Variants in TG observed in about 807,000 individuals in gnomAD.
TG encodes the protein thyroglobulin.
Under a neutral mutation model 324.7 loss-of-function variants are expected in TG, and 270 were observed. The ratio of observed to expected loss-of-function variants is 0.83; its 90% confidence interval spans 0.75 to 0.92. TG has a LOEUF of 0.92. Ranked by LOEUF, TG falls within the 40% of genes least tolerant of loss-of-function variation. The pLI is 0.00. For synonymous variants in TG, 1,401 were observed against 1,327.0 expected, an observed-to-expected ratio of 1.06 and a Z score of -1.21; for missense variants, 3,591 against 3,456.4, an observed-to-expected ratio of 1.04 and a Z score of -0.98.
intron 41 of TG, among the ~76,000 whole-genome samples, chr8:133,031,118 C>T (rs936478259): frequency 2.6e-5 from 4 of 152,190 alleles, no homozygotes; most frequent in African/African-American, 9.7e-5. Flanking sequence ...TTAACAACCC[C>T]CATCTCCTCA....
intron 23 of TG, among the ~76,000 whole-genome samples, chr8:132,929,736 A>G (rs1822417487): frequency 6.6e-6 from 1 of 152,168 alleles, no homozygotes; most frequent in African/African-American, 2.4e-5. Context: ...GTTTTAAATG[A>G]TTTTATCTTT....
chr8:133,005,078 C>T (rs926867997), intron 35 of TG, among the ~76,000 whole-genome samples: 3 of 152,222 alleles, frequency 2.0e-5, no homozygotes, highest in African/African-American at 7.2e-5. Context: ...AAAAGGAGCA[C>T]TGGGGGACAG....
intron 27 of TG, among the ~76,000 whole-genome samples, chr8:132,957,149 C>G (rs1381245512): frequency 6.6e-6 from 1 of 152,170 alleles, no homozygotes; most frequent in South Asian, 2.1e-4. Context: ...GGGGTTATAA[C>G]TTTCCTTGTG....
chr8:133,122,868 C>T (rs1342863463), intron 45 of TG, among the ~76,000 whole-genome samples: 1 of 152,138 alleles, frequency 6.6e-6, no homozygotes, highest in East Asian at 1.9e-4. Context: ...AACTTTGAGC[C>T]AGTTTCTCCC....
chr8:133,119,470 C>T (rs1011434793), intron 45 of TG, among the ~76,000 whole-genome samples: 4 of 152,178 alleles, frequency 2.6e-5, no homozygotes, highest in African/African-American at 4.8e-5. Context: ...AAGATCAAGG[C>T]ATGGGAAGAT....
At chr8:132,949,014 C>A in intron 27 of TG, 71 bp downstream of exon 27, 1 of 1,408,740 alleles carries the variant, frequency 7.1e-7, no homozygotes, top group Non-Finnish European at 9.9e-7. Context: ...CTGCTACTTT[C>A]TTATGAGCCC....
At position 132,919,471 on chromosome 8, in the gene TG, C is replaced by T; in HGVS notation, c.4474C>T (p.Pro1492Ser). 1 of 1,614,114 alleles carries T rather than the reference C, an allele frequency of 6.2e-7. No individual in the cohort carries two copies. Among genetic ancestry groups the T allele is most frequent in the Non-Finnish European group, 8.5e-7 (1 of 1,179,994 alleles). Residue 1492 changes from proline (P) to serine (S), a missense_variant, in exon 21 of 48, where the codon CCA (proline) becomes TCA (serine). Coordinates refer to ENST00000220616, the MANE Select transcript of TG (RefSeq NM_003235.5). ...ACAGGCAGGGAGCTTGGCCTGTGTCCCATGTCCTGTGGGCAGAACGACCAT... is the reference window on the plus strand; with the variant it reads ...ACAGGCAGGGAGCTTGGCCTGTGTCTCATGTCCTGTGGGCAGAACGACCAT... ...QEQAGSLACV[P>S]CPVGRTTISA... is the part of the protein sequence containing the mutation.
chr8:132,922,465 C>T (rs1587417676), intron 21 of TG, among the ~76,000 whole-genome samples: 2 of 152,190 alleles, frequency 1.3e-5, no homozygotes, highest in South Asian at 2.1e-4. Flanking sequence ...AGTCATCAAT[C>T]GTTCATTCAC....
chr8:132,975,559 A>T (rs1830076979), intron 34 of TG, among the ~76,000 whole-genome samples: 2 of 152,190 alleles, frequency 1.3e-5, no homozygotes, highest in South Asian at 4.1e-4. Context: ...ACATTCACAG[A>T]GGGGTTCTTA....
intron 41 of TG, among the ~76,000 whole-genome samples, chr8:133,086,558 AACTATACCTTTTG>A (rs886478808): frequency 1.1e-4 from 17 of 152,346 alleles, no homozygotes; most frequent in Non-Finnish European, 2.4e-4. Flanking sequence ...GATGAAAAAA[AACTATACCTTTTG>A]ACTCAGTAAT....
chr8:132,878,388 G>T (rs375107776), intron 5 of TG, among the ~76,000 whole-genome samples: 5 of 152,016 alleles, frequency 3.3e-5, no homozygotes, highest in Admixed American at 2.0e-4. Context: ...AGGCCAAGGC[G>T]GGCAGATCAC....
intron 35 of TG, among the ~76,000 whole-genome samples, chr8:133,004,885 T>C (rs1833887605): frequency 6.6e-6 from 1 of 152,090 alleles, no homozygotes; most frequent in Non-Finnish European, 1.5e-5. Flanking sequence ...GGAGCCTGCA[T>C]GGTAACTGCA....
chr8:132,937,350 T>C (rs1823760033), intron 25 of TG, among the ~76,000 whole-genome samples: 1 of 152,190 alleles, frequency 6.6e-6, no homozygotes, highest in South Asian at 2.1e-4. Context: ...TTGGTAGCAA[T>C]TGCGAGCCCA....
At chr8:132,894,490 G>T (rs555140162) in intron 11 of TG, among the ~76,000 whole-genome samples, 3 of 145,000 alleles carry the variant, frequency 2.1e-5, no homozygotes, top group Non-Finnish European at 4.5e-5. Context: ...ACGGAGTCTT[G>T]CTCTGTCACC....
intron 35 of TG, among the ~76,000 whole-genome samples, chr8:132,999,682 C>A (rs13254463): frequency 0.32 from 48,958 of 152,082 alleles, 8,086 homozygotes; most frequent in Non-Finnish European, 0.35. Context: ...GGGGTGCAAA[C>A]AATAGAAGAA....
intron 31 of TG, 136 bp from the exon 32 acceptor site, chr8:132,969,322 G>A: frequency 2.9e-6 from 2 of 686,098 alleles, no homozygotes; most frequent in Non-Finnish European, 5.2e-6. Context: ...TTTGAGTTAG[G>A]AAATGAGGTT....
At chr8:132,917,023 ATGCC>A (rs199921078) in intron 20 of TG, among the ~76,000 whole-genome samples, 7,485 of 69,626 alleles carry the variant, frequency 0.11, 518 homozygotes, top group Non-Finnish European at 0.12. Flanking sequence ...TCCTCCCTCC[ATGCC>A]TCCCTCCCTC....
intron 41 of TG, among the ~76,000 whole-genome samples, chr8:133,057,578 G>A (rs1387034271): frequency 6.6e-6 from 1 of 152,046 alleles, no homozygotes; most frequent in East Asian, 1.9e-4. Flanking sequence ...CAGATCTCTG[G>A]GGCAGCCCGA....
In TG at chr8:132,888,242, C is replaced by T. The variant is rs770468970; in HGVS notation, c.2435C>T (p.Ala812Val). 19 of 1,614,220 alleles carry T rather than the reference C, an allele frequency of 1.2e-5. No individual in the cohort carries two copies. In the East Asian group the frequency reaches 3.1e-4, roughly 26 times the overall value. Residue 812 changes from alanine to valine, a missense_variant, in exon 10 of 48, where the codon GCA becomes GTA. By Grantham distance (64) the Ala-to-Val change is moderately conservative (BLOSUM62 0). Transcript: ENST00000220616. Reference sequence around the variant, plus strand: ...GTGAAGATCATGAGCTACAGAGAAGCAGCTTCCGGAAACTTCAGTCTCTTT... The same window carrying T: ...GTGAAGATCATGAGCTACAGAGAAGTAGCTTCCGGAAACTTCAGTCTCTTT... ...LLVKIMSYREAASGNFSLFIQ... is the reference protein window; with the variant it reads ...LLVKIMSYREVASGNFSLFIQ...
Sources: allele counts gnomAD v4.1 joint callset (sites outside exome capture counted in the v4.1 genomes callset), GRCh38; gene constraint gnomAD v4.1.1; transcripts MANE v1.5; gene names NCBI Gene and HGNC (gene_info 2026-07-23, HGNC 2026-07-21).